Variants in LRMDA observed in about 807,000 individuals in gnomAD.
LRMDA encodes the protein leucine-rich melanocyte differentiation-associated protein.
In LRMDA, 18 loss-of-function variants were observed where a neutral mutation model predicts 29.8. The ratio of observed to expected loss-of-function variants is 0.60; its 90% CI spans 0.42 to 0.90. The LOEUF (loss-of-function observed/expected upper bound fraction) is 0.90. Among genes scored for constraint, LRMDA ranks in the 40% least tolerant of loss-of-function variants. The pLI is 0.00. For synonymous variants in LRMDA, 125 were observed against 109.4 expected (o/e 1.14, Z -0.89); for missense variants, 273 against 273.9 (o/e 1.00, Z 0.02).
chr10:76,519,276 G>A (rs1036339200), intron 6 of LRMDA, among the ~76,000 whole-genome samples: 5 of 152,084 alleles, frequency 3.3e-5, no homozygotes, highest in African/African-American at 9.7e-5. Context: ...TGAAAATACC[G>A]TATATTGAAA....
intron 5 of LRMDA, among the ~76,000 whole-genome samples, chr10:76,135,846 C>T (rs1360107309): frequency 6.6e-6 from 1 of 151,578 alleles, no homozygotes. Flanking sequence ...AATTGATCAT[C>T]TGCAAAGGCC....
chr10:75,903,436 C>T (rs1319110989), intron 2 of LRMDA, among the ~76,000 whole-genome samples: 1 of 152,198 alleles, frequency 6.6e-6, no homozygotes, highest in Non-Finnish European at 1.5e-5. Flanking sequence ...ATGCCTAGCT[C>T]CTCTGAAAGA....
chr10:75,497,551 A>G (rs1365956206), intron 2 of LRMDA, among the ~76,000 whole-genome samples: 1 of 151,820 alleles, frequency 6.6e-6, no homozygotes, highest in Non-Finnish European at 1.5e-5. Context: ...AAACCCTATC[A>G]AAGTGTAGAT....
rs1179252774 is a variant in LRMDA at position 75,774,927 on chromosome 10, A to G, written c.132-261081A>G. Among the ~76,000 whole-genome samples the G allele has an allele frequency of 3.3e-5, 5 of 152,360 alleles. No homozygotes were observed. The East Asian group carries it at 7.7e-4, about 24-fold the overall frequency. On this transcript the variant is annotated intron_variant, in intron 2 of 6. Coordinates refer to ENST00000611255, the MANE Select transcript of LRMDA (RefSeq NM_001305581.2). ...ATGGAGCTTTCCAGGCTGGAAGGAA[A>G]CAAGGCTTTCAAGAATGATATCAGC...
At chr10:76,465,249 G>A (rs1015664594) in intron 6 of LRMDA, among the ~76,000 whole-genome samples, 1 of 152,126 alleles carries the variant, frequency 6.6e-6, no homozygotes, top group Admixed American at 6.5e-5. Flanking sequence ...GTGGCCATGG[G>A]CATATGAGCT....
chr10:75,613,459 G>A (rs1360955808), intron 2 of LRMDA, among the ~76,000 whole-genome samples: 1 of 152,148 alleles, frequency 6.6e-6, no homozygotes, highest in Non-Finnish European at 1.5e-5. Context: ...GGATCAGACA[G>A]TATCTCTAAA....
At chr10:75,636,450 A>AT (rs1262708981) in intron 2 of LRMDA, among the ~76,000 whole-genome samples, 5 of 152,234 alleles carry the variant, frequency 3.3e-5, no homozygotes, top group African/African-American at 9.6e-5. Context: ...ATTTAGCACA[A>AT]TGCTGGTACA....
intron 2 of LRMDA, among the ~76,000 whole-genome samples, chr10:75,932,500 T>C (rs1351450927): frequency 1.3e-5 from 2 of 152,054 alleles, no homozygotes; most frequent in Non-Finnish European, 2.9e-5. Context: ...GTGGTCTCTG[T>C]TACTTGGGAG....
At chr10:75,959,341 T>A (rs1045833640) in intron 2 of LRMDA, among the ~76,000 whole-genome samples, 5 of 152,132 alleles carry the variant, frequency 3.3e-5, no homozygotes, top group African/African-American at 9.7e-5. Context: ...TCCTCCTTCT[T>A]GTGTGAGAAG....
intron 6 of LRMDA, among the ~76,000 whole-genome samples, chr10:76,556,777 G>C (rs1843563304): frequency 6.6e-6 from 1 of 152,110 alleles, no homozygotes; most frequent in Non-Finnish European, 1.5e-5. Context: ...TCATGATAAA[G>C]GGTATCAAAA....
chr10:75,740,230 G>T (rs1338090701), intron 2 of LRMDA, among the ~76,000 whole-genome samples: 1 of 152,218 alleles, frequency 6.6e-6, no homozygotes, highest in Non-Finnish European at 1.5e-5. Flanking sequence ...AGATGATGGA[G>T]GTGCGATGTT....
chr10:75,539,174 T>C (rs1839986718), intron 2 of LRMDA, among the ~76,000 whole-genome samples: 1 of 152,218 alleles, frequency 6.6e-6, no homozygotes, highest in Non-Finnish European at 1.5e-5. Context: ...TTAAGGGTCA[T>C]CTTTATTTTT....
chr10:75,880,555 C>A (rs905065358), intron 2 of LRMDA, among the ~76,000 whole-genome samples: 1 of 152,310 alleles, frequency 6.6e-6, no homozygotes, highest in East Asian at 1.9e-4. Flanking sequence ...CCAGGAAGTT[C>A]TGGCAAGCTA....
chr10:75,918,893 A>G (rs1845979675), intron 2 of LRMDA, among the ~76,000 whole-genome samples: 2 of 152,216 alleles, frequency 1.3e-5, no homozygotes, highest in South Asian at 4.1e-4. Context: ...CTGTGTGTGA[A>G]GAAAAAAAAA....
intron 2 of LRMDA, among the ~76,000 whole-genome samples, chr10:75,483,596 G>A (rs543314221): frequency 1.1e-4 from 16 of 152,200 alleles, no homozygotes; most frequent in East Asian, 9.6e-4. Context: ...ATTGTGAAAC[G>A]TGCTTTGCAA....
chr10:75,976,466 T>C (rs1392926722), intron 2 of LRMDA, among the ~76,000 whole-genome samples: 1 of 152,214 alleles, frequency 6.6e-6, no homozygotes, highest in Admixed American at 6.5e-5. Flanking sequence ...TGTTTATTCA[T>C]TTGCCTAAAT....
intron 2 of LRMDA, among the ~76,000 whole-genome samples, chr10:75,864,264 G>A (rs1441192344): frequency 2.0e-5 from 3 of 152,200 alleles, no homozygotes; most frequent in Non-Finnish European, 4.4e-5. Context: ...TTGCAAAGAC[G>A]AGATGATATA....
chr10:76,285,416 C>T (rs1385579128), intron 5 of LRMDA, among the ~76,000 whole-genome samples: 2 of 138,526 alleles, frequency 1.4e-5, no homozygotes, highest in East Asian at 4.3e-4. Flanking sequence ...ATGTGAGTGG[C>T]TAATTGTGCT....
At chr10:76,403,900 G>A (rs1455734248) in intron 6 of LRMDA, among the ~76,000 whole-genome samples, 1 of 152,062 alleles carries the variant, frequency 6.6e-6, no homozygotes, top group African/African-American at 2.4e-5. Flanking sequence ...TCTTCCTTAA[G>A]ATCTTCCCAT....
Sources: allele counts gnomAD v4.1 joint callset (sites outside exome capture counted in the v4.1 genomes callset), GRCh38; gene constraint gnomAD v4.1.1; transcripts MANE v1.5; gene names NCBI Gene and HGNC (gene_info 2026-07-23, HGNC 2026-07-21).